SLC6A5: variants seen among roughly 807,000 people sequenced by gnomAD.
SLC6A5 encodes solute carrier family 6 member 5.
In SLC6A5, 58 loss-of-function variants were observed where a neutral mutation model predicts 90.5. That is an observed-to-expected ratio of 0.64 (90% CI 0.52 to 0.80). The LOEUF (loss-of-function observed/expected upper bound fraction) is 0.80, where lower values mean the gene tolerates loss of function less well. SLC6A5 is among the 30% of genes least tolerant of loss of function. The probability of loss-of-function intolerance (pLI) is 0.00; values close to 1 mark genes in which losing one functional copy is unlikely to be tolerated. For missense variants in SLC6A5, 1,015 were observed against 1,017.6 expected (o/e 1.00, Z 0.03); for synonymous variants, 427 against 401.4 (o/e 1.06, Z -0.76).
intron 13 of SLC6A5, 87 bp from the exon 14 acceptor site, chr11:20,646,747 G>T: frequency 1.1e-6 from 1 of 884,086 alleles, no homozygotes; most frequent in Non-Finnish European, 1.9e-6. Context: ...AATGGTGCTT[G>T]AGTGAGGGGC....
At chr11:20,645,254 C>T (rs949955102) in intron 13 of SLC6A5, among the ~76,000 whole-genome samples, 3 of 152,088 alleles carry the variant, frequency 2.0e-5, no homozygotes, top group Admixed American at 2.0e-4. Flanking sequence ...GTAGAGGGCA[C>T]GCATTGAAAA....
At chr11:20,619,127 C>A (rs931903903) in intron 7 of SLC6A5, among the ~76,000 whole-genome samples, 3 of 152,088 alleles carry the variant, frequency 2.0e-5, no homozygotes, top group Non-Finnish European at 4.4e-5. Context: ...ATTCTGAGAC[C>A]ATAGGTTGTG....
chr11:20,652,343 C>T lies in SLC6A5; in HGVS notation c.2125C>T (p.Arg709Cys), dbSNP rs151244472. The change falls in exon 15 of 16, where the codon CGC becomes TGC. Residue 709 changes from arginine (R) to cysteine (C), a missense_variant. Physicochemically the swap from Arg to Cys is radical, Grantham distance 180. Transcript: ENST00000525748. ...QWEPMTYGSY[R>C]YPNWSMVLGW... Reference sequence around the variant, plus strand: ...GGAGCCCATGACCTATGGCTCTTACCGCTATCCTAACTGGTCCATGGTGCT... The same window carrying T: ...GGAGCCCATGACCTATGGCTCTTACTGCTATCCTAACTGGTCCATGGTGCT... 7.7e-5 allele frequency: 124 copies of T among 1,614,050 alleles called. No homozygotes were observed. The African/African-American group carries it at 1.3e-3, about 17-fold the overall frequency.
chr11:20,630,848 G>T lies in SLC6A5; in HGVS notation c.1624+33G>T, dbSNP rs764681679. On this transcript the variant is annotated intron_variant, in intron 10 of 15. Coordinates refer to ENST00000525748, the MANE Select transcript of SLC6A5 (RefSeq NM_004211.5). ...ACAGTTGTTACCCTGCTGTTGCAGGGCAGGTCCCAGGCTCATGTCACAAGC... is the reference window on the plus strand; with the variant it reads ...ACAGTTGTTACCCTGCTGTTGCAGGTCAGGTCCCAGGCTCATGTCACAAGC... The T allele has an allele frequency of 1.3e-5, 21 of 1,612,614 alleles. 1 individual carries two copies. The highest frequency in any genetic ancestry group is 1.7e-5 in the Non-Finnish European group (20 of 1,178,918).
chr11:20,599,769 G>A (rs1294866204), intron 1 of SLC6A5, 94 bp downstream of exon 1: 1 of 1,451,726 alleles, frequency 6.9e-7, no homozygotes, highest in Non-Finnish European at 9.7e-7. Flanking sequence ...AGATGTCTGT[G>A]CATTGGGTGG....
At chr11:20,620,015 G>A (rs77487511) in intron 7 of SLC6A5, among the ~76,000 whole-genome samples, 1 of 152,176 alleles carries the variant, frequency 6.6e-6, no homozygotes, top group Admixed American at 6.5e-5. Flanking sequence ...TTGGAGCTGA[G>A]CTTGGGTGGG....
chr11:20,631,366 G>T (rs1853106680), intron 10 of SLC6A5, among the ~76,000 whole-genome samples: 1 of 152,208 alleles, frequency 6.6e-6, no homozygotes, highest in Non-Finnish European at 1.5e-5. Flanking sequence ...GGGTAGAAAT[G>T]TTGGATCGTG....
chr11:20,644,821 T>TG (rs1202104019), intron 13 of SLC6A5, among the ~76,000 whole-genome samples: 1 of 152,104 alleles, frequency 6.6e-6, no homozygotes, highest in East Asian at 1.9e-4. Flanking sequence ...CTTTTTCTTT[T>TG]TTTTTTTGAG....
Position 20,649,341 on chromosome 11 carries a change from C to T in SLC6A5, c.2070+2407C>T, listed in dbSNP as rs529072078. Among the ~76,000 whole-genome samples, 6 of 152,278 alleles carry T rather than the reference C, an allele frequency of 3.9e-5. No individual in the cohort carries two copies. In the East Asian group the frequency reaches 9.7e-4, roughly 25 times the overall value. ...TCATTGTCAACTGATGAGTCTCCCT[C>T]CAGCACCTTCTTTGGCTGCCATCAC... On this transcript the variant is annotated intron_variant, in intron 14 of 15. Coordinates refer to ENST00000525748, the MANE Select transcript of SLC6A5 (RefSeq NM_004211.5).
rs561291835 is a variant in SLC6A5, at chr11:20,626,943, G to T, written c.1395+101G>T. 6.4e-5 allele frequency: 61 copies of T among 948,492 alleles called. No homozygotes were observed. In the African/African-American group the frequency reaches 9.2e-4, roughly 14 times the overall value. 58.8% of individuals were successfully genotyped at this position (948,492 alleles called of 1,614,324 possible). ...TTCCTCCTCCAGGGAATCCCAGTGT[G>T]TGCTTTTATAAGAGCCTGATGATCT... On this transcript the variant is annotated intron_variant, in intron 8 of 15. Coordinates refer to ENST00000525748, the MANE Select transcript of SLC6A5 (RefSeq NM_004211.5).
rs770591951 is a variant in SLC6A5 at position 20,636,428 on chromosome 11, C to T, written c.1737+9C>T. On this transcript the variant is annotated intron_variant, in intron 11 of 15. Coordinates refer to ENST00000525748, the MANE Select transcript of SLC6A5 (RefSeq NM_004211.5). ...TTGGACTTGACACTATGGTGAGCCC[C>T]TTTTCCATCAGTCTCTATCCCATGC... 1 of 1,531,880 alleles carries T rather than the reference C, an allele frequency of 6.5e-7. No individual in the cohort carries two copies. Among genetic ancestry groups the T allele is most frequent in the South Asian group, 1.1e-5 (1 of 89,456 alleles). The allele number at this position is 1,531,880 out of a possible 1,614,324, so 94.9% of individuals were successfully genotyped here.
intron 9 of SLC6A5, among the ~76,000 whole-genome samples, chr11:20,629,776 G>C (rs1223751667): frequency 6.6e-6 from 1 of 150,890 alleles, no homozygotes. Flanking sequence ...TGTTGCCCAG[G>C]CTGGAGTGCA....
chr11:20,635,656 TAATAA>T (rs1168803920), intron 10 of SLC6A5, among the ~76,000 whole-genome samples: 2 of 152,128 alleles, frequency 1.3e-5, no homozygotes, highest in African/African-American at 2.4e-5. Flanking sequence ...CCCCAGAACT[TAATAA>T]AATAAATAAA....
Position 20,614,718 on chromosome 11 carries a change from A to G in SLC6A5, c.1025A>G (p.Lys342Arg), listed in dbSNP as rs1479134763. The change falls in exon 6 of 16, where the codon AAG (lysine) becomes AGG (arginine). Residue 342 changes from lysine to arginine, a missense_variant. By Grantham distance (26) the Lys-to-Arg change is conservative. Coordinates refer to ENST00000525748, the MANE Select transcript of SLC6A5 (RefSeq NM_004211.5). ...AGTGACCATCCCAAAATACAGATCAAGAACTCGACTTTCTGCATGACCGCT... is the reference window on the plus strand; with the variant it reads ...AGTGACCATCCCAAAATACAGATCAGGAACTCGACTTTCTGCATGACCGCT... Reference protein sequence around the residue: ...VISDHPKIQIKNSTFCMTAYP... With the variant: ...VISDHPKIQIRNSTFCMTAYP... 2 of 1,613,908 alleles carry G rather than the reference A, an allele frequency of 1.2e-6. No homozygotes were observed. The highest frequency in any genetic ancestry group is 2.7e-5 in the African/African-American group (2 of 74,944).
In SLC6A5 at chr11:20,601,278, G is replaced by A; in HGVS notation, c.153G>A (p.Val51=). The change falls in exon 2 of 16, where the codon GTG becomes GTA. Residue 51 remains valine, a synonymous_variant. Transcript: ENST00000525748. The part of the protein sequence containing the change: ...PAAAAPPPPR[V]PRSASTGAQT... ...CTGCCGCCCCGCCGCCGCCACGTGT[G>A]CCCAGGTCCGCTTCCACCGGCGCCC... 1 of 1,587,932 alleles carries A rather than the reference G, an allele frequency of 6.3e-7. No homozygotes were observed. Among genetic ancestry groups the A allele is most frequent in the Non-Finnish European group, 8.5e-7 (1 of 1,173,550 alleles).
At chr11:20,629,625 T>G (rs773989837) in intron 9 of SLC6A5, among the ~76,000 whole-genome samples, 4 of 152,238 alleles carry the variant, frequency 2.6e-5, no homozygotes, top group Non-Finnish European at 5.9e-5. Context: ...CCTCAAACAT[T>G]TATCATTTCT....
chr11:20,654,700 G>A lies in SLC6A5; in HGVS notation c.2239-13G>A. 6.2e-7 allele frequency: 1 copy of A among 1,614,114 alleles called. No individual in the cohort carries two copies. The highest frequency in any genetic ancestry group is 8.5e-7 in the Non-Finnish European group (1 of 1,180,000). On this transcript the variant is annotated splice_polypyrimidine_tract_variant and intron_variant, in intron 15 of 15. Coordinates refer to ENST00000525748, the MANE Select transcript of SLC6A5 (RefSeq NM_004211.5). ...TACTTCTGTGACCATGTCTGTCTTT[G>A]GCTTCTTTGCAGAGGCTGAAGTTGG...
chr11:20,654,652 G>T (rs192631871), intron 15 of SLC6A5, 61 bp from the exon 16 acceptor site: 2 of 1,559,760 alleles, frequency 1.3e-6, no homozygotes, highest in Non-Finnish European at 1.8e-6. Context: ...TGAGTGGGTC[G>T]TCCCCAGGTG....
At position 20,607,617 on chromosome 11, in the gene SLC6A5, C is replaced by A. The variant is rs150764554; in HGVS notation, c.950C>A (p.Thr317Lys). The change falls in exon 5 of 16, where the codon ACG becomes AAG. Residue 317 changes from threonine to lysine, a missense_variant. Around this residue, in one of 3 missense-constraint regions of SLC6A5, gnomAD observed 567 missense variants for 507.3 expected, o/e 1.12. Coordinates refer to ENST00000525748, the MANE Select transcript of SLC6A5 (RefSeq NM_004211.5). ...GGCTCCTGCAACAACCCTTGGAATA[C>A]GCCAGAATGCAAAGATAAAACCAAA... ...PWGSCNNPWN[T>K]PECKDKTKLL... is the part of the protein sequence containing the mutation. The A allele has an allele frequency of 6.2e-6, 10 of 1,613,970 alleles. No homozygotes were observed. Among genetic ancestry groups the A allele is most frequent in the Non-Finnish European group, 8.5e-6 (10 of 1,179,998 alleles).
Sources: allele counts gnomAD v4.1 joint callset (sites outside exome capture counted in the v4.1 genomes callset), GRCh38; gene constraint gnomAD v4.1.1; regional missense constraint gnomAD v4.1.1; transcripts MANE v1.5; gene names NCBI Gene and HGNC (gene_info 2026-07-23, HGNC 2026-07-21).